Variants in CDH17 observed in about 807,000 individuals in gnomAD.
CDH17 encodes cadherin-17.
In CDH17, 67 loss-of-function variants were observed where a neutral mutation model predicts 86.3. That is an observed-to-expected ratio of 0.78 (90% CI 0.64 to 0.95). The LOEUF (loss-of-function observed/expected upper bound fraction) is 0.95, where lower values mean the gene tolerates loss of function less well. CDH17 is among the 40% of genes least tolerant of loss of function. CDH17 has a pLI of 0.00. For missense variants in CDH17, 993 were observed against 1,017.6 expected (o/e 0.98, Z 0.33); for synonymous variants, 367 against 366.4 (o/e 1.00, Z -0.02).
chr8:94,185,675 A>G (rs1472935459), intron 3 of CDH17, among the ~76,000 whole-genome samples: 1 of 152,212 alleles, frequency 6.6e-6, no homozygotes, highest in African/African-American at 2.4e-5. Context: ...TTGTTTCACA[A>G]ATATGTTTTA....
intron 3 of CDH17, among the ~76,000 whole-genome samples, chr8:94,182,510 G>A (rs1234730032): frequency 8.6e-5 from 13 of 152,000 alleles, no homozygotes; most frequent in Admixed American, 8.5e-4. Flanking sequence ...ATAGAATCAA[G>A]GATAAAAACC....
intron 1 of CDH17, among the ~76,000 whole-genome samples, chr8:94,199,658 C>T (rs777641841): frequency 1.3e-5 from 2 of 152,062 alleles, no homozygotes; most frequent in African/African-American, 2.4e-5. Context: ...TAGGCCTGCC[C>T]CTCACCGAGG....
intron 10 of CDH17, among the ~76,000 whole-genome samples, chr8:94,165,359 C>T (rs2130626336): frequency 6.6e-6 from 1 of 152,294 alleles, no homozygotes; most frequent in Non-Finnish European, 1.5e-5. Flanking sequence ...CTCAGACTGT[C>T]CTAGTCTAGG....
At chr8:94,162,928 T>A (rs1045620726) in intron 10 of CDH17, among the ~76,000 whole-genome samples, 3 of 152,214 alleles carry the variant, frequency 2.0e-5, no homozygotes, top group Non-Finnish European at 4.4e-5. Context: ...CTAACCATGG[T>A]GCACTGCACT....
At chr8:94,141,909 GA>G (rs1037971932) in intron 15 of CDH17, among the ~76,000 whole-genome samples, 8 of 152,046 alleles carry the variant, frequency 5.3e-5, no homozygotes, top group African/African-American at 1.2e-4. Context: ...AAGGAATTTT[GA>G]AAAAGAACAA....
At chr8:94,194,950 G>T (rs976561510) in intron 1 of CDH17, among the ~76,000 whole-genome samples, 1 of 152,126 alleles carries the variant, frequency 6.6e-6, no homozygotes, top group Non-Finnish European at 1.5e-5. Flanking sequence ...TAACTGCTTT[G>T]CTTTGTTATG....
chr8:94,216,499 T>C (rs1446842074), intron 1 of CDH17, among the ~76,000 whole-genome samples: 1 of 151,726 alleles, frequency 6.6e-6, no homozygotes, highest in Non-Finnish European at 1.5e-5. Context: ...TTAGCCCACA[T>C]GCTCCTGCTT....
At chr8:94,178,142 T>C (rs1418122366) in intron 3 of CDH17, among the ~76,000 whole-genome samples, 1 of 152,202 alleles carries the variant, frequency 6.6e-6, no homozygotes, top group East Asian at 1.9e-4. Flanking sequence ...AAAGAATTTA[T>C]AAGTGGCTTT....
chr8:94,174,579 G>C (rs1205641929), intron 5 of CDH17, among the ~76,000 whole-genome samples: 6 of 152,154 alleles, frequency 3.9e-5, no homozygotes, highest in Non-Finnish European at 7.4e-5. Flanking sequence ...GGAAAATATG[G>C]TATTAATTTT....
Position 94,165,511 on chromosome 8 carries a change from G to A in CDH17, c.1282+250C>T, listed in dbSNP as rs543800928. Among the ~76,000 whole-genome samples, 13 of 152,096 alleles carry A rather than the reference G, an allele frequency of 8.5e-5. No homozygotes were observed. In the East Asian group the frequency reaches 1.2e-3, roughly 14 times the overall value. ...ACGGGCTCCCCCCAATAAAATCCTCGTACATTTAATCTCCTTTTGGCATCT... is the reference window on the plus strand; with the variant it reads ...ACGGGCTCCCCCCAATAAAATCCTCATACATTTAATCTCCTTTTGGCATCT... On this transcript the variant is annotated intron_variant, in intron 10 of 17. Transcript: ENST00000027335.
At position 94,128,331 on chromosome 8, in the gene CDH17, A is replaced by G. The variant is rs1169072736; in HGVS notation, c.2408T>C (p.Leu803Ser). 2.4e-5 allele frequency: 38 copies of G among 1,605,456 alleles called. No individual in the cohort carries two copies. The highest frequency in any genetic ancestry group is 3.1e-5 in the Non-Finnish European group (36 of 1,173,118). Residue 803 changes from leucine (L) to serine (S), a missense_variant, in exon 18 of 18, where the codon TTA (leucine) becomes TCA (serine). Leu to Ser is a moderately radical substitution (Grantham distance 145). Coordinates refer to ENST00000027335, the MANE Select transcript of CDH17 (RefSeq NM_004063.4). ...LTTLLVIGIILAVVFIRIKKD... is the reference protein window; with the variant it reads ...LTTLLVIGIISAVVFIRIKKD... The stretch of plus-strand genomic sequence containing the variant: ...CTTTATGCGGATAAACACAACTGCT[A>G]AAATTATACCTAAAAGAAAAAACCC...
intron 10 of CDH17, among the ~76,000 whole-genome samples, chr8:94,164,713 A>C (rs1813120888): frequency 1.3e-5 from 2 of 152,218 alleles, no homozygotes; most frequent in South Asian, 4.1e-4. Flanking sequence ...GCCTGCCAGC[A>C]GAACAATTAC....
chr8:94,189,978 C>A (rs188236764), intron 2 of CDH17, among the ~76,000 whole-genome samples: 1 of 152,122 alleles, frequency 6.6e-6, no homozygotes, highest in African/African-American at 2.4e-5. Flanking sequence ...TCCAAAGACC[C>A]TAAACTTGAA....
chr8:94,144,231 C>T (rs573747147), intron 15 of CDH17, among the ~76,000 whole-genome samples: 4 of 152,246 alleles, frequency 2.6e-5, no homozygotes, highest in East Asian at 1.9e-4. Context: ...AGCGTCAGAA[C>T]GTACGTCGAC....
At chr8:94,216,544 G>A (rs1027426768) in intron 1 of CDH17, among the ~76,000 whole-genome samples, 2 of 145,808 alleles carry the variant, frequency 1.4e-5, no homozygotes, top group African/African-American at 2.5e-5. Flanking sequence ...TCTCAAAAAG[G>A]GAGGGCTCCA....
intron 13 of CDH17, among the ~76,000 whole-genome samples, chr8:94,149,177 T>C (rs1480298014): frequency 6.6e-6 from 1 of 152,186 alleles, no homozygotes; most frequent in Non-Finnish European, 1.5e-5. Flanking sequence ...TCACAACTTC[T>C]GGGGAAAGTA....
Position 94,186,206 on chromosome 8 carries a change from A to G in CDH17, c.150+2981T>C, listed in dbSNP as rs998951626. On this transcript the variant is annotated intron_variant, in intron 3 of 17. Transcript: ENST00000027335. ...TGCCCCACAGATAACCTTAAAATCA[A>G]TAAGCCTAAAACTCATTCACTTTTC... Among the ~76,000 whole-genome samples, 12 of 152,250 alleles carry G rather than the reference A, an allele frequency of 7.9e-5. No individual in the cohort carries two copies. The East Asian group carries it at 1.4e-3, about 17-fold the overall frequency.
chr8:94,186,322 C>T (rs899376101), intron 3 of CDH17, among the ~76,000 whole-genome samples: 2 of 152,156 alleles, frequency 1.3e-5, no homozygotes, highest in African/African-American at 4.8e-5. Context: ...AAGAGTTGTC[C>T]TTCTTTCTGT....
In CDH17 at chr8:94,140,948, G is replaced by T. The variant is rs539501033; in HGVS notation, c.2167+4980C>A. On this transcript the variant is annotated intron_variant, in intron 15 of 17. Coordinates refer to ENST00000027335, the MANE Select transcript of CDH17 (RefSeq NM_004063.4). ...AAATTCTTTCAAACTTTAAGAAGAA[G>T]TAATACCAATTTTATGCAAACTTGT... is the stretch of plus-strand genomic sequence containing the variant. Among the ~76,000 whole-genome samples, 335 of 151,610 alleles carry T rather than the reference G, an allele frequency of 2.2e-3. 1 individual carries two copies. Among genetic ancestry groups the T allele is most frequent in the African/African-American group, 7.2e-3 (298 of 41,228 alleles).
Sources: gnomAD v4.1 joint callset for allele counts (sites outside exome capture counted in the v4.1 genomes callset) on GRCh38, gnomAD v4.1.1 for gene constraint, MANE v1.5 for transcripts, NCBI Gene and HGNC (gene_info 2026-07-23, HGNC 2026-07-21) for gene names.